ZNF280D: variants seen among roughly 807,000 people sequenced by gnomAD.
The protein encoded by ZNF280D is zinc finger protein 280D.
A neutral mutation model predicts 94.7 loss-of-function variants in ZNF280D; 39 were observed. The observed-to-expected ratio is 0.41, with a 90% CI of 0.32 to 0.54. The LOEUF (loss-of-function observed/expected upper bound fraction) is 0.54. Among genes scored for constraint, ZNF280D ranks in the 20% least tolerant of loss-of-function variants. ZNF280D has a pLI of 0.22. For synonymous variants in ZNF280D, 398 were observed against 377.6 expected, an observed-to-expected ratio of 1.05 and a Z score of -0.63; for missense variants, 1,090 against 1,149.3, an observed-to-expected ratio of 0.95 and a Z score of 0.75.
At chr15:56,667,370 G>C (rs1189743869) in intron 14 of ZNF280D, among the ~76,000 whole-genome samples, 2 of 151,944 alleles carry the variant, frequency 1.3e-5, no homozygotes, top group Non-Finnish European at 1.5e-5. Context: ...TTCTAGAAAG[G>C]CCTAAATTAC....
chr15:56,673,083 AGAGTT>A (rs1241729062), intron 13 of ZNF280D, among the ~76,000 whole-genome samples: 10 of 152,096 alleles, frequency 6.6e-5, no homozygotes, highest in African/African-American at 1.7e-4. Context: ...AAAGTTCACC[AGAGTT>A]GAGTTCCCAG....
intron 10 of ZNF280D, among the ~76,000 whole-genome samples, chr15:56,681,060 A>G (rs2055584518): frequency 2.0e-5 from 3 of 152,204 alleles, no homozygotes. Flanking sequence ...TTAAAGTTTG[A>G]TAAGAGGAGG....
At position 56,666,468 on chromosome 15, in the gene ZNF280D, G is replaced by A. The variant is rs2054291409; in HGVS notation, c.1921C>T (p.Pro641Ser). ...CAAAAACTACAGTGGACGTACGTAG[G>A]AAAGTGGTTTGCAAAATCTTTTATT... Reference protein sequence around the residue: ...SEIKDFANHFPTYVHCSFCRY... With the variant: ...SEIKDFANHFSTYVHCSFCRY... Residue 641 changes from proline to serine, a missense_variant, in exon 16 of 22, where the codon CCT becomes TCT. Pro to Ser is a moderately conservative substitution (Grantham distance 74). Coordinates refer to ENST00000267807, the MANE Select transcript of ZNF280D (RefSeq NM_017661.4). The A allele has an allele frequency of 1.2e-6, 2 of 1,602,522 alleles. No individual in the cohort carries two copies. Among genetic ancestry groups the A allele is most frequent in the Non-Finnish European group, 8.5e-7 (1 of 1,176,934 alleles).
At chr15:56,648,851 A>G (rs1484035379) in intron 19 of ZNF280D, among the ~76,000 whole-genome samples, 1 of 152,154 alleles carries the variant, frequency 6.6e-6, no homozygotes, top group East Asian at 1.9e-4. Context: ...AATTTAGTAT[A>G]CCATGTTTCC....
intron 14 of ZNF280D, 96 bp from the exon 15 acceptor site, chr15:56,667,082 G>GA (rs2054343755): frequency 3.1e-6 from 3 of 975,906 alleles, no homozygotes; most frequent in Non-Finnish European, 4.3e-6. Flanking sequence ...CAAGAATTTT[G>GA]AAAAAAGCAC....
At chr15:56,688,829 A>G in intron 9 of ZNF280D, 1 of 311,202 alleles carries the variant, frequency 3.2e-6, no homozygotes, top group Non-Finnish European at 5.8e-6. Flanking sequence ...TACAATAAGC[A>G]TACATTATAA....
At chr15:56,708,903 C>T (rs2057584899) in intron 1 of ZNF280D, among the ~76,000 whole-genome samples, 1 of 152,084 alleles carries the variant, frequency 6.6e-6, no homozygotes, top group African/African-American at 2.4e-5. Context: ...ACCATAAAAA[C>T]CCTAGAAGAA....
intron 19 of ZNF280D, among the ~76,000 whole-genome samples, chr15:56,652,227 T>G (rs2053249917): frequency 6.6e-6 from 1 of 152,152 alleles, no homozygotes; most frequent in African/African-American, 2.4e-5. Flanking sequence ...CTAAACCGGC[T>G]TTAACTGGTC....
At chr15:56,669,983 ATT>A (rs1491438492) in intron 13 of ZNF280D, among the ~76,000 whole-genome samples, 4 of 2,878 alleles carry the variant, frequency 1.4e-3, no homozygotes, top group African/African-American at 5.6e-3. Context: ...TAATATATAT[ATT>A]ATATATATAT....
intron 4 of ZNF280D, among the ~76,000 whole-genome samples, chr15:56,702,756 A>C (rs1319726170): frequency 6.6e-6 from 1 of 152,160 alleles, no homozygotes; most frequent in East Asian, 1.9e-4. Flanking sequence ...TGCCCCAGGA[A>C]ACAGTATTGA....
chr15:56,634,797 T>C (rs77533965), intron 21 of ZNF280D, among the ~76,000 whole-genome samples: 4,306 of 152,204 alleles, frequency 0.028, 195 homozygotes, highest in African/African-American at 0.098. Flanking sequence ...ACCATATAAG[T>C]AGTCTTATAG....
rs1247428844 is a variant in ZNF280D at position 56,630,583 on chromosome 15, G to C, written c.*915C>G. 6.6e-6 allele frequency: 1 copy of C among 152,060 alleles called. No homozygotes were observed. Among genetic ancestry groups the C allele is most frequent in the East Asian group, 1.9e-4 (1 of 5,192 alleles). The allele number at this position is 152,060 out of a possible 1,614,324, so 9.4% of individuals were successfully genotyped here. A position where few individuals can be genotyped will look rare whatever the true frequency, so the allele number is the denominator to read the frequency against. On this transcript the variant is annotated 3_prime_UTR_variant, in exon 22 of 22. Coordinates refer to ENST00000267807, the MANE Select transcript of ZNF280D (RefSeq NM_017661.4). ...TGCCAGGACATGTTTTCAGTTTACTGCTTTACAATATCTACATTATACCAT... is the reference window on the plus strand; with the variant it reads ...TGCCAGGACATGTTTTCAGTTTACTCCTTTACAATATCTACATTATACCAT...
At chr15:56,706,600 G>T (rs2141247397) in intron 3 of ZNF280D, among the ~76,000 whole-genome samples, 1 of 152,092 alleles carries the variant, frequency 6.6e-6, no homozygotes, top group Non-Finnish European at 1.5e-5. Context: ...CTTCATCTTG[G>T]ACTTCTAGCC....
intron 1 of ZNF280D, chr15:56,725,034 G>A (rs1157800723): frequency 1.1e-4 from 40 of 351,716 alleles, no homozygotes; most frequent in South Asian, 5.0e-4. Flanking sequence ...CAAGAGATAC[G>A]ACAGAGATTA....
chr15:56,697,338 C>T (rs1488105837), intron 6 of ZNF280D, among the ~76,000 whole-genome samples: 5 of 152,202 alleles, frequency 3.3e-5, no homozygotes, highest in Admixed American at 2.6e-4. Flanking sequence ...GCGCCCACCA[C>T]CATGCCCAGC....
At chr15:56,709,848 G>C (rs2057656409) in intron 1 of ZNF280D, among the ~76,000 whole-genome samples, 1 of 152,084 alleles carries the variant, frequency 6.6e-6, no homozygotes, top group African/African-American at 2.4e-5. Flanking sequence ...TCACACACCG[G>C]GGCCTGTCGT....
rs1671386306 is a variant in ZNF280D, at chr15:56,631,374, GTGTA to G, written c.*120_*123del. The stretch of plus-strand genomic sequence containing the variant: ...AACATAGGTTGAACATACAGGTAAA[GTGTA>G]TGTGTGACCTCCCTTACATATTTCC... On this transcript the variant is annotated 3_prime_UTR_variant, in exon 22 of 22. Coordinates refer to ENST00000267807, the MANE Select transcript of ZNF280D (RefSeq NM_017661.4). 4 of 953,504 alleles carry G rather than the reference GTGTA, an allele frequency of 4.2e-6. No individual in the cohort carries two copies. The African/African-American group carries it at 4.9e-5, about 12-fold the overall frequency. 59.1% of individuals were successfully genotyped at this position (953,504 alleles called of 1,614,324 possible). A position where few individuals can be genotyped will look rare whatever the true frequency, so the allele number is the denominator to read the frequency against.
chr15:56,670,556 G>A (rs939578894), intron 13 of ZNF280D, among the ~76,000 whole-genome samples: 3 of 152,172 alleles, frequency 2.0e-5, no homozygotes, highest in Admixed American at 2.0e-4. Context: ...ATTCCATGGT[G>A]TATATGTACC....
chr15:56,692,263 G>GA (rs1450254318), intron 7 of ZNF280D, among the ~76,000 whole-genome samples: 6 of 151,716 alleles, frequency 4.0e-5, no homozygotes, highest in Admixed American at 3.9e-4. Context: ...TAAAAAATTG[G>GA]AAAAACAGTT....
Sources: gnomAD v4.1 joint callset for allele counts (sites outside exome capture counted in the v4.1 genomes callset) on GRCh38, gnomAD v4.1.1 for gene constraint, MANE v1.5 for transcripts, NCBI Gene and HGNC (gene_info 2026-07-23, HGNC 2026-07-21) for gene names.